Variants in GSTA3 observed in about 807,000 individuals in gnomAD.
The protein encoded by GSTA3 is glutathione S-transferase alpha 3.
In GSTA3, 16 loss-of-function variants were observed where a neutral mutation model predicts 23.1. That is an observed-to-expected ratio of 0.69 (90% confidence interval 0.47 to 1.05). The LOEUF is 1.05. GSTA3 is among the 50% of genes least tolerant of loss of function. The probability of loss-of-function intolerance (pLI) is 0.00; values close to 1 mark genes in which losing one functional copy is unlikely to be tolerated. For missense variants in GSTA3, 319 were observed against 263.6 expected (o/e 1.21, Z -1.46); for synonymous variants, 122 against 91.0 (o/e 1.34, Z -1.94).
At chr6:52,903,925 C>T (rs1765791903) in intron 2 of GSTA3, among the ~76,000 whole-genome samples, 198 bp from the exon 3 acceptor site, 1 of 152,142 alleles carries the variant, frequency 6.6e-6, no homozygotes, top group South Asian at 2.1e-4. Flanking sequence ...TGGGTCAGAC[C>T]ATGCTCATGC....
intron 4 of GSTA3, among the ~76,000 whole-genome samples, chr6:52,901,657 G>C (rs1405754680): frequency 6.6e-6 from 1 of 152,236 alleles, no homozygotes; most frequent in African/African-American, 2.4e-5. Context: ...TAGAGGAATT[G>C]CTGGGTCATT....
At chr6:52,902,844 T>G (rs1018352181) in intron 3 of GSTA3, among the ~76,000 whole-genome samples, 1 of 152,224 alleles carries the variant, frequency 6.6e-6, no homozygotes. Context: ...GTAAGTCTCA[T>G]GGTGTTCATG....
At chr6:52,902,543 A>C (rs528399054) in intron 3 of GSTA3, 65 bp from the exon 4 acceptor site, 1 of 1,485,408 alleles carries the variant, frequency 6.7e-7, no homozygotes, top group Admixed American at 2.0e-5. Flanking sequence ...CAGGAAGAAA[A>C]ATGATGGTTG....
At chr6:52,897,064 G>C in intron 6 of GSTA3, 136 bp from the exon 7 acceptor site, 3 of 1,204,924 alleles carry the variant, frequency 2.5e-6, no homozygotes, top group Non-Finnish European at 2.3e-6. Context: ...GGCAGAAACA[G>C]ACACCCAGTG....
rs763918219 is a variant in GSTA3, at chr6:52,903,693, A to G, written c.122T>C (p.Leu41Ser). The G allele has an allele frequency of 6.3e-7, 1 of 1,589,404 alleles. No homozygotes were observed. Among genetic ancestry groups the G allele is most frequent in the Non-Finnish European group, 8.6e-7 (1 of 1,157,976 alleles). Reference sequence around the variant, plus strand: ...GATCTTACCATTTCTTAACTTTCCCAAATCTTCTGCAGATCCTATAAATTT... The same window carrying G: ...GATCTTACCATTTCTTAACTTTCCCGAATCTTCTGCAGATCCTATAAATTT... ...EEKFIGSAED[L>S]GKLRNDGSLM... Residue 41 changes from leucine (L) to serine (S), a missense_variant, in exon 3 of 7, where the codon TTG (leucine) becomes TCG (serine). By Grantham distance (145) the Leu-to-Ser change is moderately radical. Transcript: ENST00000211122.
intron 1 of GSTA3, among the ~76,000 whole-genome samples, chr6:52,906,441 T>C (rs967557485): frequency 6.6e-6 from 1 of 152,200 alleles, no homozygotes; most frequent in African/African-American, 2.4e-5. Flanking sequence ...AATGACTTTC[T>C]TCACAGAATT....
At chr6:52,898,062 C>T in intron 5 of GSTA3, 106 bp from the exon 6 acceptor site, 2 of 1,302,182 alleles carry the variant, frequency 1.5e-6, no homozygotes, top group South Asian at 2.5e-5. Context: ...TGTTGCCTAA[C>T]TGGATGGTGT....
At chr6:52,907,272 G>C (rs910471453) in intron 1 of GSTA3, among the ~76,000 whole-genome samples, 14 of 115,036 alleles carry the variant, frequency 1.2e-4, no homozygotes, top group Admixed American at 3.0e-4. Flanking sequence ...ACCACAATGA[G>C]ATACCATCTC....
chr6:52,897,251 G>C (rs550574010), intron 6 of GSTA3, among the ~76,000 whole-genome samples: 1 of 152,352 alleles, frequency 6.6e-6, no homozygotes, highest in East Asian at 1.9e-4. Context: ...ACACAGGTCA[G>C]TCTCTAAGCA....
rs1561953798 is a variant in GSTA3 at position 52,902,395 on chromosome 6, T to C, written c.223A>G (p.Ile75Val). 2 of 1,613,930 alleles carry C rather than the reference T, an allele frequency of 1.2e-6. No individual in the cohort carries two copies. Among genetic ancestry groups the C allele is most frequent in the Non-Finnish European group, 8.5e-7 (1 of 1,179,946 alleles). ...LVQTRAILNY[I>V]ASKYNLYGKD... is the part of the protein sequence containing the mutation. ...CCGTAGAGGTTGTATTTGCTGGCAA[T>C]GTAGTTGAGAATGGCTCTGGTCTGT... Residue 75 changes from isoleucine (I) to valine (V), a missense_variant, in exon 4 of 7, where the codon ATT (isoleucine) becomes GTT (valine). Physicochemically the swap from Ile to Val is conservative, Grantham distance 29. Transcript: ENST00000211122.
intron 4 of GSTA3, among the ~76,000 whole-genome samples, chr6:52,901,393 G>A (rs1765680131): frequency 6.6e-6 from 1 of 152,160 alleles, no homozygotes; most frequent in South Asian, 2.1e-4. Context: ...GGACTTCTGT[G>A]CCTAATTTCT....
At chr6:52,908,431 C>T (rs1003547113) in intron 1 of GSTA3, among the ~76,000 whole-genome samples, 1 of 152,158 alleles carries the variant, frequency 6.6e-6, no homozygotes, top group Non-Finnish European at 1.5e-5. Context: ...AGGAAGATCA[C>T]TTGAGCCCAA....
intron 2 of GSTA3, among the ~76,000 whole-genome samples, chr6:52,905,286 G>A (rs889977521): frequency 2.6e-5 from 4 of 151,802 alleles, no homozygotes; most frequent in African/African-American, 4.8e-5. Flanking sequence ...ACAAATCTGA[G>A]GTATCATATT....
intron 2 of GSTA3, 72 bp downstream of exon 2, chr6:52,905,676 T>A (rs1416170975): frequency 3.4e-5 from 29 of 858,188 alleles, no homozygotes; most frequent in Non-Finnish European, 5.0e-5. Flanking sequence ...AGTATGGAAG[T>A]CTCTTGGCTT....
chr6:52,900,201 T>A, intron 4 of GSTA3, 126 bp from the exon 5 acceptor site: 1 of 666,758 alleles, frequency 1.5e-6, no homozygotes, highest in Non-Finnish European at 2.5e-6. Context: ...GTGCCTTTTA[T>A]ATTCTAGTCA....
intron 1 of GSTA3, among the ~76,000 whole-genome samples, chr6:52,907,397 T>C (rs1301980496): frequency 6.9e-6 from 1 of 144,658 alleles, no homozygotes; most frequent in African/African-American, 2.6e-5. Flanking sequence ...AGTTCAACCA[T>C]TGTGGAAGTC....
chr6:52,900,118 T>TA (rs772015688), intron 4 of GSTA3, 43 bp from the exon 5 acceptor site: 2 of 1,553,000 alleles, frequency 1.3e-6, no homozygotes, highest in African/African-American at 2.8e-5. Flanking sequence ...CCTCTTGCCT[T>TA]AGATTTTGTA....
chr6:52,902,340 C>T lies in GSTA3; in HGVS notation c.272+6G>A, dbSNP rs770850602. The T allele has an allele frequency of 1.2e-6, 2 of 1,612,266 alleles. No individual in the cohort carries two copies. The highest frequency in any genetic ancestry group is 1.7e-6 in the Non-Finnish European group (2 of 1,179,476). ...TGTGGATGGAAGAACACAAAATATA[C>T]CGTACAGGGCTCTCTCCTTTATGTC... On this transcript the variant is annotated splice_donor_region_variant and intron_variant, in intron 4 of 6. Transcript: ENST00000211122.
chr6:52,907,655 G>A (rs1411825928), intron 1 of GSTA3, among the ~76,000 whole-genome samples: 2 of 151,926 alleles, frequency 1.3e-5, no homozygotes, highest in African/African-American at 2.4e-5. Flanking sequence ...AAAAAATGAT[G>A]AGTTCATGTC....
Sources: allele counts gnomAD v4.1 joint callset (sites outside exome capture counted in the v4.1 genomes callset), GRCh38; gene constraint gnomAD v4.1.1; transcripts MANE v1.5; gene names NCBI Gene and HGNC (gene_info 2026-07-23, HGNC 2026-07-21).